The following PAK4 variants were observed in gnomAD, a reference collection of about 807,000 sequenced individuals.
PAK4 encodes p21 (RAC1) activated kinase 4.
A neutral mutation model predicts 53.5 loss-of-function variants in PAK4; 49 were observed. The observed-to-expected ratio is 0.92, with a 90% CI of 0.73 to 1.16. The LOEUF (loss-of-function observed/expected upper bound fraction) is 1.16. Ranked by LOEUF, PAK4 falls within the 50% of genes most tolerant of loss-of-function variation. PAK4 has a pLI of 0.00. For synonymous variants in PAK4, 376 were observed against 375.6 expected, an observed-to-expected ratio of 1.00 and a Z score of -0.01; for missense variants, 824 against 850.7, an observed-to-expected ratio of 0.97 and a Z score of 0.39.
chr19:39,149,710 G>A (rs2074062639), intron 1 of PAK4, among the ~76,000 whole-genome samples: 1 of 152,114 alleles, frequency 6.6e-6, no homozygotes, highest in Admixed American at 6.6e-5. Flanking sequence ...TAAAAAATTA[G>A]CTGGGCGTGG....
intron 1 of PAK4, among the ~76,000 whole-genome samples, chr19:39,131,887 G>A (rs2073718775): frequency 6.6e-6 from 1 of 152,226 alleles, no homozygotes; most frequent in African/African-American, 2.4e-5. Flanking sequence ...GTTACAGGGA[G>A]TATTGGTGGC....
intron 1 of PAK4, chr19:39,136,397 C>G (rs1027785358): frequency 6.6e-6 from 1 of 152,342 alleles, no homozygotes; most frequent in African/African-American, 2.4e-5. Context: ...GCCACCATTC[C>G]TGGAACATTC....
At chr19:39,160,152 C>T (rs1846765201) in intron 1 of PAK4, among the ~76,000 whole-genome samples, 1 of 152,202 alleles carries the variant, frequency 6.6e-6, no homozygotes, top group African/African-American at 2.4e-5. Context: ...TCTGAAGACC[C>T]ATTTTCTCCC....
intron 1 of PAK4, among the ~76,000 whole-genome samples, chr19:39,153,630 C>T (rs900891181): frequency 5.3e-5 from 8 of 152,118 alleles, no homozygotes; most frequent in Non-Finnish European, 8.8e-5. Context: ...TTAGTAGAGA[C>T]GGAGCTTCAC....
At chr19:39,168,336 G>GC (rs2074413427) in intron 1 of PAK4, 34 bp downstream of exon 2, 1 of 152,240 alleles carries the variant, frequency 6.6e-6, no homozygotes, top group East Asian at 1.9e-4. Context: ...CAGGGCCCAG[G>GC]CCCGGGGCAG....
intron 1 of PAK4, among the ~76,000 whole-genome samples, chr19:39,140,814 T>C (rs2073897187): frequency 6.6e-6 from 1 of 152,092 alleles, no homozygotes; most frequent in South Asian, 2.1e-4. Flanking sequence ...CCTCAGATGT[T>C]TTTGAGTTCC....
intron 1 of PAK4, among the ~76,000 whole-genome samples, chr19:39,129,511 C>G (rs889012910): frequency 6.6e-6 from 1 of 152,204 alleles, no homozygotes; most frequent in Non-Finnish European, 1.5e-5. Context: ...GGCTGGACCA[C>G]TGTGCTCCCC....
intron 1 of PAK4, among the ~76,000 whole-genome samples, chr19:39,162,947 T>A (rs1254894489): frequency 3.3e-5 from 5 of 151,500 alleles, no homozygotes; most frequent in African/African-American, 1.2e-4. Flanking sequence ...GTGGGAGGCC[T>A]GAAGAGAGAT....
At chr19:39,137,476 G>A (rs368524355) in intron 1 of PAK4, among the ~76,000 whole-genome samples, 1 of 152,180 alleles carries the variant, frequency 6.6e-6, no homozygotes, top group Non-Finnish European at 1.5e-5. Context: ...CTGCACCCGT[G>A]TGACCCATTT....
chr19:39,144,460 G>A (rs2073967615), intron 1 of PAK4, among the ~76,000 whole-genome samples: 2 of 152,228 alleles, frequency 1.3e-5, no homozygotes, highest in African/African-American at 2.4e-5. Flanking sequence ...CTGCCGGGGG[G>A]ATGCTTGACC....
In PAK4 at chr19:39,178,651, C is replaced by T; in HGVS notation, c.*72C>T. 2 of 1,363,342 alleles carry T rather than the reference C, an allele frequency of 1.5e-6. No individual in the cohort carries two copies. The highest frequency in any genetic ancestry group is 2.0e-6 in the Non-Finnish European group (2 of 1,001,390). 84.5% of individuals were successfully genotyped at this position (1,363,342 alleles called of 1,614,324 possible). A position where few individuals can be genotyped will look rare whatever the true frequency, so the allele number is the denominator to read the frequency against. On this transcript the variant is annotated 3_prime_UTR_variant, in exon 9 of 9. Coordinates refer to ENST00000358301, the Ensembl canonical transcript of PAK4. This position sits in a 1 kb window ranked among gnomAD's most constrained non-coding sequence, Gnocchi z 4.4. ...CGCCCCACTGAGGCCAGTAGGGGGC[C>T]AGGCCTCCCACTCCTCCCAGCCCGG...
intron 1 of PAK4, 118 bp from the exon 3 acceptor site, chr19:39,169,414 G>A (rs1207970422): frequency 2.7e-6 from 2 of 732,272 alleles, no homozygotes; most frequent in Non-Finnish European, 4.7e-6. Flanking sequence ...GACCCAGAAG[G>A]AGGCTACTGC....
exon 3 of PAK4, chr19:39,172,955 C>T (rs992815314): frequency 2.6e-6 from 4 of 1,545,332 alleles, no homozygotes; most frequent in Non-Finnish European, 3.5e-6. Context: ...AAAGATGGGG[C>T]CCTCACGCTG....
At chr19:39,170,979 T>A (rs2074467891) in intron 2 of PAK4, among the ~76,000 whole-genome samples, 1 of 152,194 alleles carries the variant, frequency 6.6e-6, no homozygotes, top group Non-Finnish European at 1.5e-5. Flanking sequence ...CCTGGCTCTG[T>A]GGCCACTTGC....
At position 39,153,275 on chromosome 19, in the gene PAK4, T is replaced by G. The variant is rs150709659; in HGVS notation, c.-22-16257T>G. On this transcript the variant is annotated intron_variant, in intron 1 of 8. Transcript: ENST00000358301. The stretch of plus-strand genomic sequence containing the variant: ...CCACTCTTTTTAATTTTAATTTTTT[T>G]TGAGACAGAGTCCCACTCCATCACC... Among the ~76,000 whole-genome samples the G allele has an allele frequency of 6.6e-5, 10 of 152,322 alleles. 1 individual carries two copies. Among genetic ancestry groups the G allele is most frequent in the African/African-American group, 2.4e-4 (10 of 41,560 alleles).
intron 1 of PAK4, chr19:39,152,174 T>TCCTCCTG (rs887086656): frequency 6.6e-6 from 1 of 151,838 alleles, no homozygotes; most frequent in African/African-American, 2.4e-5. Flanking sequence ...GCTCAAATGA[T>TCCTCCTG]CCTCCTGCTT....
At chr19:39,152,754 T>C (rs912442385) in intron 1 of PAK4, among the ~76,000 whole-genome samples, 1 of 143,936 alleles carries the variant, frequency 6.9e-6, no homozygotes, top group Non-Finnish European at 1.5e-5. Context: ...GGCAATCGGG[T>C]TCAATGTTAT....
At chr19:39,130,681 A>T (rs2073692228) in intron 1 of PAK4, among the ~76,000 whole-genome samples, 2 of 151,874 alleles carry the variant, frequency 1.3e-5, no homozygotes, top group African/African-American at 2.4e-5. Context: ...AATAAATAAA[A>T]AAGCAAAAAA....
In PAK4 at chr19:39,173,327, T is replaced by C; in HGVS notation, c.614T>C (p.Phe205Ser). Residue 205 changes from phenylalanine to serine, a missense_variant, in exon 3 of 9, where the codon TTT becomes TCT. By Grantham distance (155) the Phe-to-Ser change is radical (BLOSUM62 -2). Around this residue, in one of 2 missense-constraint regions of PAK4, gnomAD observed 478 missense variants for 435.8 expected, o/e 1.10. Transcript: ENST00000358301. The surrounding 1 kb of genome is among the most constrained non-coding windows in gnomAD (Gnocchi z 6.9). The stretch of plus-strand genomic sequence containing the variant: ...GCGAAACTGGCAGCTGGCCGGCCCT[T>C]TAACACCTACCCGAGGGCTGACACG... 1.3e-6 allele frequency: 2 copies of C among 1,585,954 alleles called. No homozygotes were observed. The highest frequency in any genetic ancestry group is 8.6e-7 in the Non-Finnish European group (1 of 1,165,230).
Sources: gnomAD v4.1 joint callset for allele counts (sites outside exome capture counted in the v4.1 genomes callset) on GRCh38, gnomAD v4.1.1 for gene constraint, gnomAD v4.1.1 regional missense constraint, Gnocchi (gnomAD v3.1) non-coding constraint, MANE v1.5 for transcripts, NCBI Gene and HGNC (gene_info 2026-07-23, HGNC 2026-07-21) for gene names.